Variants in SRGAP2C observed in about 807,000 individuals in gnomAD.
SRGAP2C encodes SLIT-ROBO Rho GTPase activating protein 2C.
SRGAP2C carries 15 observed loss-of-function variants against 25.1 expected under a neutral mutation model. The observed-to-expected ratio is 0.60, with a 90% CI of 0.40 to 0.92. The LOEUF (loss-of-function observed/expected upper bound fraction) is 0.92. SRGAP2C is among the 40% of genes least tolerant of loss of function. The pLI, the probability that SRGAP2C is intolerant of heterozygous loss-of-function variation, is 0.00. For missense variants in SRGAP2C, 144 were observed against 264.4 expected (o/e 0.54, Z 3.16); for synonymous variants, 44 against 96.6 (o/e 0.46, Z 3.19).
chr1:121,232,647 A>C (rs1655848489), intron 2 of SRGAP2C, among the ~76,000 whole-genome samples: 1 of 151,282 alleles, frequency 6.6e-6, no homozygotes, highest in Non-Finnish European at 1.5e-5. Flanking sequence ...AAGGCTCTGC[A>C]CTTTCATAGT....
At position 121,289,252 on chromosome 1, in the gene SRGAP2C, G is replaced by A. The variant is rs1553337289; in HGVS notation, c.260+4257G>A. On this transcript the variant is annotated intron_variant, in intron 3 of 9. Coordinates refer to ENST00000367123, the MANE Select transcript of SRGAP2C (RefSeq NM_001329984.2). The stretch of plus-strand genomic sequence containing the variant: ...CTGCAGGTCCTGAGCCCTGCCCCGC[G>A]GGAAGGCAGCTAAGGCCCAGCGAGA... Among the ~76,000 whole-genome samples, 15 of 149,856 alleles carry A rather than the reference G, an allele frequency of 1.0e-4. No homozygotes were observed. The South Asian group carries it at 1.7e-3, about 17-fold the overall frequency.
intron 2 of SRGAP2C, among the ~76,000 whole-genome samples, chr1:121,239,485 C>T (rs1656071597): frequency 8.4e-6 from 1 of 119,340 alleles, no homozygotes. Flanking sequence ...AAGAGTGGTC[C>T]TGATGGGTAG....
rs1658814370 is a variant in SRGAP2C at position 121,348,636 on chromosome 1, CT to C, written c.424-16656del. Among the ~76,000 whole-genome samples the C allele has an allele frequency of 2.7e-5, 4 of 149,654 alleles. No individual in the cohort carries two copies. In the South Asian group the frequency reaches 8.5e-4, roughly 32 times the overall value. ...TGAAAATTTATGGCCTTTCTTCCCCCTGTCTTTGCTCTGTAATTATTAGGTG... is the reference window on the plus strand; with the variant it reads ...TGAAAATTTATGGCCTTTCTTCCCCCGTCTTTGCTCTGTAATTATTAGGTG... On this transcript the variant is annotated intron_variant, in intron 4 of 9. Coordinates refer to ENST00000367123, the MANE Select transcript of SRGAP2C (RefSeq NM_001329984.2).
intron 8 of SRGAP2C, among the ~76,000 whole-genome samples, chr1:121,384,812 C>T (rs1401773572): frequency 2.0e-5 from 3 of 152,084 alleles, no homozygotes; most frequent in Non-Finnish European, 4.4e-5. Flanking sequence ...GGTAGCGGAC[C>T]ACTGTCAAAG....
At chr1:121,271,482 AGT>A (rs1656958651) in intron 2 of SRGAP2C, among the ~76,000 whole-genome samples, 2 of 151,906 alleles carry the variant, frequency 1.3e-5, no homozygotes, top group African/African-American at 4.8e-5. Flanking sequence ...TACAGCAATA[AGT>A]GAAACTTAGG....
chr1:121,295,414 A>G (rs1414214047), intron 3 of SRGAP2C, among the ~76,000 whole-genome samples: 2 of 150,760 alleles, frequency 1.3e-5, no homozygotes, highest in Non-Finnish European at 3.0e-5. Context: ...GTAGATCATA[A>G]GGATCTAAAT....
intron 7 of SRGAP2C, among the ~76,000 whole-genome samples, chr1:121,375,155 G>A (rs1293202715): frequency 6.7e-6 from 1 of 150,042 alleles, no homozygotes; most frequent in Non-Finnish European, 1.5e-5. Flanking sequence ...AATTCTGGGA[G>A]GAAGGCATTA....
intron 3 of SRGAP2C, among the ~76,000 whole-genome samples, chr1:121,315,449 A>T (rs1400235159): frequency 6.7e-6 from 1 of 149,362 alleles, no homozygotes; most frequent in Non-Finnish European, 1.5e-5. Context: ...CTTTCCACAG[A>T]GTGTAGATGG....
intron 6 of SRGAP2C, 55 bp from the exon 7 acceptor site, chr1:121,374,771 G>C (rs1553352527): frequency 2.7e-6 from 2 of 747,794 alleles, no homozygotes; most frequent in African/African-American, 3.5e-5. Context: ...ATCTTTTAGA[G>C]AACAAGCCCC....
In SRGAP2C at chr1:121,314,685, G is replaced by A. The variant is rs1553340389; in HGVS notation, c.261-9793G>A. ...TGCAGGTCTGTTGGAATACCCTGCT[G>A]TGTGAGGTGTCAGTGTGCCCCTGCT... On this transcript the variant is annotated intron_variant, in intron 3 of 9. Coordinates refer to ENST00000367123, the MANE Select transcript of SRGAP2C (RefSeq NM_001329984.2). Among the ~76,000 whole-genome samples, 366 of 150,622 alleles carry A rather than the reference G, an allele frequency of 2.4e-3. 1 individual carries two copies. Among genetic ancestry groups the A allele is most frequent in the African/African-American group, 8.5e-3 (346 of 40,796 alleles).
chr1:121,328,944 A>T (rs1553341931), intron 4 of SRGAP2C, among the ~76,000 whole-genome samples: 1 of 120,408 alleles, frequency 8.3e-6, no homozygotes, highest in Non-Finnish European at 1.7e-5. Flanking sequence ...GGGAGTGGTG[A>T]CTCATGCCTG....
Position 121,274,983 on chromosome 1 carries a change from G to T in SRGAP2C, c.68-9820G>T, listed in dbSNP as rs376328820. On this transcript the variant is annotated intron_variant, in intron 2 of 9. Coordinates refer to ENST00000367123, the MANE Select transcript of SRGAP2C (RefSeq NM_001329984.2). ...TTCATCTGCCCATTTTAGCCTCTTT[G>T]ACTTTGCTTTGCTAACTACAGCCCT... Among the ~76,000 whole-genome samples the T allele has an allele frequency of 2.9e-4, 43 of 150,798 alleles. 2 individuals are homozygous for T. The East Asian group carries it at 7.1e-3, about 25-fold the overall frequency.
Position 121,389,152 on chromosome 1 carries a change from A to G in SRGAP2C, c.*1297A>G, listed in dbSNP as rs1242573566. On this transcript the variant is annotated 3_prime_UTR_variant, in exon 10 of 10. Coordinates refer to ENST00000367123, the MANE Select transcript of SRGAP2C (RefSeq NM_001329984.2). ...TATAATTATAATATTCTTTAAGCAT[A>G]TTTATGAGTAAAATATTAAAACCTA... The G allele has an allele frequency of 6.6e-6, 1 of 152,186 alleles. No homozygotes were observed. Among genetic ancestry groups the G allele is most frequent in the East Asian group, 1.9e-4 (1 of 5,196 alleles). The allele number at this position is 152,186 out of a possible 1,614,324, so 9.4% of individuals were successfully genotyped here.
chr1:121,357,722 G>C (rs1164494003), intron 4 of SRGAP2C, among the ~76,000 whole-genome samples: 3 of 98,202 alleles, frequency 3.1e-5, no homozygotes, highest in Non-Finnish European at 6.0e-5. Context: ...GTAGTTTCCA[G>C]GACCTTCGCA....
At chr1:121,379,432 TC>T (rs1553354238) in intron 7 of SRGAP2C, among the ~76,000 whole-genome samples, 2 of 147,886 alleles carry the variant, frequency 1.4e-5, no homozygotes, top group Non-Finnish European at 3.0e-5. Context: ...GCCACAGAAC[TC>T]ATCAGAAGCC....
chr1:121,195,190 C>A (rs1654799819), intron 2 of SRGAP2C, among the ~76,000 whole-genome samples: 1 of 152,162 alleles, frequency 6.6e-6, no homozygotes, highest in African/African-American at 2.4e-5. Context: ...GCAGATGGAT[C>A]ACCTGAGGTC....
intron 2 of SRGAP2C, among the ~76,000 whole-genome samples, chr1:121,198,380 CCTTAT>C (rs1654894205): frequency 7.6e-6 from 1 of 131,320 alleles, no homozygotes; most frequent in Non-Finnish European, 1.6e-5. Flanking sequence ...AAAGTTGGGA[CCTTAT>C]CTTTGCTGTT....
intron 2 of SRGAP2C, among the ~76,000 whole-genome samples, chr1:121,223,998 C>A (rs1403602083): frequency 8.6e-5 from 13 of 151,760 alleles, no homozygotes; most frequent in African/African-American, 3.2e-4. Context: ...TTACAGAGGC[C>A]GCTTGGCCTC....
chr1:121,368,521 T>A (rs1161513706), intron 5 of SRGAP2C, among the ~76,000 whole-genome samples: 1 of 151,376 alleles, frequency 6.6e-6, no homozygotes, highest in African/African-American at 2.4e-5. Context: ...ACTGTCCCTC[T>A]TTGCCTAGTA....
Sources: gnomAD v4.1 joint callset for allele counts (sites outside exome capture counted in the v4.1 genomes callset) on GRCh38, gnomAD v4.1.1 for gene constraint, MANE v1.5 for transcripts, NCBI Gene and HGNC (gene_info 2026-07-23, HGNC 2026-07-21) for gene names.